PTPRN2: variants seen among roughly 807,000 people sequenced by gnomAD.
The protein encoded by PTPRN2 is protein tyrosine phosphatase receptor type N2, also known as receptor-type tyrosine-protein phosphatase N2.
Under a neutral mutation model 118.8 loss-of-function variants are expected in PTPRN2, and 74 were observed. The observed-to-expected ratio is 0.62, with a 90% CI of 0.52 to 0.76. The LOEUF (loss-of-function observed/expected upper bound fraction) is 0.76, where lower values mean the gene tolerates loss of function less well. PTPRN2 is among the 30% of genes least tolerant of loss of function. The pLI, the probability that PTPRN2 is intolerant of heterozygous loss-of-function variation, is 0.00. For missense variants in PTPRN2, 1,481 were observed against 1,394.4 expected (o/e 1.06, Z -0.99); for synonymous variants, 641 against 608.0 (o/e 1.05, Z -0.80).
intron 11 of PTPRN2, among the ~76,000 whole-genome samples, chr7:157,908,610 G>A (rs771351058): frequency 2.6e-5 from 4 of 152,166 alleles, no homozygotes; most frequent in Non-Finnish European, 5.9e-5. Flanking sequence ...CACGTCTGTC[G>A]AGACAGGACA....
chr7:158,166,527 C>T (rs112670664), intron 6 of PTPRN2, among the ~76,000 whole-genome samples: 35 of 24,816 alleles, frequency 1.4e-3, no homozygotes, highest in African/African-American at 2.9e-3. Context: ...CCGGCCGCCG[C>T]GTTCCCTGTC....
chr7:158,136,880 C>T (rs958930016), intron 7 of PTPRN2, among the ~76,000 whole-genome samples, 185 bp from the exon 8 acceptor site: 14 of 152,296 alleles, frequency 9.2e-5, no homozygotes, highest in Admixed American at 3.9e-4. Context: ...CTGTAAACTT[C>T]GCGAGAGCGG....
chr7:158,221,711 G>A lies in PTPRN2; in HGVS notation c.278-16438C>T, dbSNP rs1329293756. 2.0e-5 allele frequency among the ~76,000 whole-genome samples: 3 copies of A among 152,124 alleles called. No homozygotes were observed. In the East Asian group the frequency reaches 5.8e-4, roughly 29 times the overall value. ...TTCACTAACATGAGAATAATATGGG[G>A]GAAACTGCCCCATGAGTCAATTATC... On this transcript the variant is annotated intron_variant, in intron 3 of 22. Coordinates refer to ENST00000389418, the MANE Select transcript of PTPRN2 (RefSeq NM_002847.5).
At chr7:158,344,205 C>G (rs28372518) in intron 2 of PTPRN2, among the ~76,000 whole-genome samples, 1 of 152,148 alleles carries the variant, frequency 6.6e-6, no homozygotes, top group Non-Finnish European at 1.5e-5. Context: ...ACAGCACAGA[C>G]GGGGGAAGCT....
chr7:157,936,422 G>A (rs552594533), intron 11 of PTPRN2, among the ~76,000 whole-genome samples: 2 of 152,270 alleles, frequency 1.3e-5, no homozygotes, highest in South Asian at 4.1e-4. Context: ...GGCCCCGCGA[G>A]CATCCTCCCT....
intron 12 of PTPRN2, among the ~76,000 whole-genome samples, chr7:157,730,112 A>G (rs886810041): frequency 2.0e-5 from 3 of 152,094 alleles, no homozygotes; most frequent in African/African-American, 7.2e-5. Context: ...TTAACCAAGT[A>G]GGGACAGAGC....
At chr7:157,745,438 G>A (rs1449633809) in intron 12 of PTPRN2, among the ~76,000 whole-genome samples, 1 of 151,750 alleles carries the variant, frequency 6.6e-6, no homozygotes, top group African/African-American at 2.4e-5. Flanking sequence ...CAGGTTGGGG[G>A]AGAGGACAGG....
At chr7:157,978,971 G>T (rs146756980) in intron 11 of PTPRN2, among the ~76,000 whole-genome samples, 2 of 152,154 alleles carry the variant, frequency 1.3e-5, no homozygotes, top group African/African-American at 4.8e-5. Context: ...GGCCCAGAGG[G>T]GGGTGGCTCT....
At chr7:158,065,553 T>C (rs1323736659) in intron 11 of PTPRN2, among the ~76,000 whole-genome samples, 2 of 152,296 alleles carry the variant, frequency 1.3e-5, no homozygotes, top group South Asian at 2.1e-4. Context: ...AGACAGTGGC[T>C]GGCGGGGCAG....
In PTPRN2 at chr7:157,710,818, G is replaced by A. The variant is rs1055927647; in HGVS notation, c.1789-27881C>T. Reference sequence around the variant, plus strand: ...ACACGCGAGAGCCCCACGCGCCGGAGGTTCCGGGGCAGCCGGGTTACACGC... The same window carrying A: ...ACACGCGAGAGCCCCACGCGCCGGAAGTTCCGGGGCAGCCGGGTTACACGC... On this transcript the variant is annotated intron_variant, in intron 12 of 22. Coordinates refer to ENST00000389418, the MANE Select transcript of PTPRN2 (RefSeq NM_002847.5). Among the ~76,000 whole-genome samples the A allele has an allele frequency of 3.7e-4, 55 of 148,360 alleles. 2 individuals carry two copies. Among genetic ancestry groups the A allele is most frequent in the Non-Finnish European group, 5.4e-4 (36 of 66,644 alleles).
At chr7:158,542,530 G>A (rs888148540) in intron 1 of PTPRN2, among the ~76,000 whole-genome samples, 2 of 152,212 alleles carry the variant, frequency 1.3e-5, no homozygotes, top group African/African-American at 4.8e-5. Flanking sequence ...TTATGGGAAA[G>A]AAGGAACCAA....
rs1803602633 is a variant in PTPRN2, at chr7:158,326,841, G to GCTTA, written c.164-9910_164-9909insTAAG. ...CACATCCTCACACATGCTCTCACAT[G>GCTTA]CATTCTCACACACATGCTCATTCTC... On this transcript the variant is annotated intron_variant, in intron 2 of 22. Coordinates refer to ENST00000389418, the MANE Select transcript of PTPRN2 (RefSeq NM_002847.5). 1.5e-5 allele frequency among the ~76,000 whole-genome samples: 2 copies of GCTTA among 135,310 alleles called. 1 individual carries two copies. The highest frequency in any genetic ancestry group is 3.3e-5 in the Non-Finnish European group (2 of 61,162). The allele number at this position is 135,310 out of a possible 152,430, so 88.8% of individuals were successfully genotyped here.
intron 12 of PTPRN2, among the ~76,000 whole-genome samples, chr7:157,777,493 T>A (rs1290821742): frequency 6.6e-6 from 1 of 150,858 alleles, no homozygotes; most frequent in African/African-American, 2.5e-5. Flanking sequence ...GCCTTCCTGA[T>A]GCCGGAGGAC....
chr7:157,569,076 G>A, intron 20 of PTPRN2, 110 bp from the exon 21 acceptor site: 5 of 1,071,830 alleles, frequency 4.7e-6, no homozygotes, highest in South Asian at 1.3e-5. Context: ...CCGGCGAGAG[G>A]AAAGGATGGC....
chr7:158,137,676 GC>G (rs1360185718), intron 7 of PTPRN2, among the ~76,000 whole-genome samples: 17 of 152,254 alleles, frequency 1.1e-4, no homozygotes, highest in Non-Finnish European at 2.1e-4. Flanking sequence ...TTCCAGCAAG[GC>G]CCCCTCTGCA....
intron 12 of PTPRN2, among the ~76,000 whole-genome samples, chr7:157,781,667 G>A (rs1803689464): frequency 6.6e-6 from 1 of 152,224 alleles, no homozygotes; most frequent in South Asian, 2.1e-4. Context: ...CTGAGGACAA[G>A]CTGACCCAGC....
At chr7:158,410,487 C>G (rs1025446166) in intron 2 of PTPRN2, among the ~76,000 whole-genome samples, 30 of 152,208 alleles carry the variant, frequency 2.0e-4, no homozygotes, top group Admixed American at 1.9e-3. Context: ...TCCTCTGGCC[C>G]TGAAGTTCTG....
At chr7:158,258,765 T>C (rs182768264) in intron 3 of PTPRN2, among the ~76,000 whole-genome samples, 1 of 152,296 alleles carries the variant, frequency 6.6e-6, no homozygotes, top group East Asian at 1.9e-4. Context: ...TATCTGTTTG[T>C]TTTGGCCTAT....
chr7:157,813,633 G>C lies in PTPRN2; in HGVS notation c.1788+85040C>G, dbSNP rs538689814. Reference sequence around the variant, plus strand: ...GCCTTTGCTGCCTCTGGGCGGGTCCGGGGGAGTCGCATTTCTTCCTCACTG... The same window carrying C: ...GCCTTTGCTGCCTCTGGGCGGGTCCCGGGGAGTCGCATTTCTTCCTCACTG... On this transcript the variant is annotated intron_variant, in intron 12 of 22. Coordinates refer to ENST00000389418, the MANE Select transcript of PTPRN2 (RefSeq NM_002847.5). This position sits in a 1 kb window ranked among gnomAD's most constrained non-coding sequence, Gnocchi z 4.7. Among the ~76,000 whole-genome samples the C allele has an allele frequency of 5.9e-5, 9 of 152,028 alleles. No homozygotes were observed. In the South Asian group the frequency reaches 1.9e-3, roughly 32 times the overall value.
Sources: allele counts gnomAD v4.1 joint callset (sites outside exome capture counted in the v4.1 genomes callset), GRCh38; gene constraint gnomAD v4.1.1; non-coding constraint Gnocchi (gnomAD v3.1); transcripts MANE v1.5; gene names NCBI Gene and HGNC (gene_info 2026-07-23, HGNC 2026-07-21).